PHKA1: variants seen among roughly 807,000 people sequenced by gnomAD.
The protein encoded by PHKA1 is phosphorylase kinase regulatory subunit alpha 1, also known as phosphorylase b kinase regulatory subunit alpha, skeletal muscle isoform.
PHKA1 carries 60 observed loss-of-function variants against 110.2 expected under a neutral mutation model. The observed-to-expected ratio is 0.54, with a 90% confidence interval of 0.44 to 0.68. The LOEUF (loss-of-function observed/expected upper bound fraction) is 0.68, where lower values mean the gene tolerates loss of function less well. Among genes scored for constraint, PHKA1 ranks in the 30% least tolerant of loss-of-function variants. The pLI, the probability that PHKA1 is intolerant of heterozygous loss-of-function variation, is 0.00. For missense variants in PHKA1, 801 were observed against 942.5 expected, an observed-to-expected ratio of 0.85 and a Z score of 1.97; for synonymous variants, 316 against 333.6, an observed-to-expected ratio of 0.95 and a Z score of 0.58.
chrX:72,621,424 T>C (rs1315542570), intron 18 of PHKA1, among the ~76,000 whole-genome samples: 1 of 111,887 alleles, frequency 8.9e-6, no homozygotes, highest in African/African-American at 3.2e-5. Context: ...AGAGGATGGA[T>C]ATGGTCCCTA....
Position 72,605,624 on chromosome X carries a change from G to C in PHKA1, c.2607-5C>G. ...AGCGCCTCATAGGGCAGAGGTCTAA[G>C]GAAAAAGACAGCAAAGAAAGACAAT... On this transcript the variant is annotated splice_region_variant and splice_polypyrimidine_tract_variant and intron_variant, in intron 23 of 31. Coordinates refer to ENST00000373542, the MANE Select transcript of PHKA1 (RefSeq NM_002637.4). 8.5e-7 allele frequency: 1 copy of C among 1,175,216 alleles called. No homozygotes were observed. Among genetic ancestry groups the C allele is most frequent in the Non-Finnish European group, 1.2e-6 (1 of 862,638 alleles).
chrX:72,610,854 A>G (rs1186704930), intron 22 of PHKA1, among the ~76,000 whole-genome samples, 174 bp downstream of exon 22: 1 of 112,135 alleles, frequency 8.9e-6, no homozygotes, highest in Non-Finnish European at 1.9e-5. Flanking sequence ...CATTTTATAA[A>G]TCTACAATTC....
At chrX:72,634,812 A>G (rs2053210531) in intron 16 of PHKA1, among the ~76,000 whole-genome samples, 1 of 112,310 alleles carries the variant, frequency 8.9e-6, no homozygotes, top group South Asian at 3.7e-4. Context: ...ACCAAGTTTT[A>G]AATTATCCTC....
chrX:72,692,948 T>C (rs1281892920), intron 4 of PHKA1, among the ~76,000 whole-genome samples: 1 of 110,288 alleles, frequency 9.1e-6, no homozygotes, highest in Non-Finnish European at 1.9e-5. Flanking sequence ...TTTCTTTTTT[T>C]TTTTTTTACA....
At chrX:72,660,137 C>A (rs955374733) in intron 8 of PHKA1, among the ~76,000 whole-genome samples, 13 of 111,878 alleles carry the variant, frequency 1.2e-4, no homozygotes, top group Non-Finnish European at 2.1e-4. Flanking sequence ...ATTTTTCAGT[C>A]TGAATTCCAT....
In PHKA1 at chrX:72,611,010, T is replaced by C; in HGVS notation, c.2526+18A>G. 1 of 1,174,032 alleles carries C rather than the reference T, an allele frequency of 8.5e-7. No homozygotes were observed. Among genetic ancestry groups the C allele is most frequent in the Non-Finnish European group, 1.2e-6 (1 of 862,442 alleles). ...CACGCTTATTTAGATTTGGTATAAA[T>C]TCAAGAATTTATAGTACCTCATCAA... On this transcript the variant is annotated intron_variant, in intron 22 of 31. Transcript: ENST00000373542.
At chrX:72,706,796 C>CCCCA (rs1249047645) in intron 2 of PHKA1, among the ~76,000 whole-genome samples, 1 of 111,590 alleles carries the variant, frequency 9.0e-6, no homozygotes, top group Non-Finnish European at 1.9e-5. Context: ...TACCCTCTAG[C>CCCCA]CCCACTACTC....
intron 19 of PHKA1, among the ~76,000 whole-genome samples, 161 bp from the exon 20 acceptor site, chrX:72,619,466 T>C (rs2052946067): frequency 8.9e-6 from 1 of 112,023 alleles, no homozygotes; most frequent in African/African-American, 3.2e-5. Flanking sequence ...TAAATATGAA[T>C]ATAAGATAAT....
Position 72,582,468 on chromosome X carries a change from T to A in PHKA1, c.3428A>T (p.His1143Leu), listed in dbSNP as rs781904534. The A allele has an allele frequency of 2.5e-6, 3 of 1,205,963 alleles. No homozygotes were observed. The South Asian group carries it at 5.3e-5, about 21-fold the overall frequency. Residue 1143 changes from histidine (H) to leucine (L), a missense_variant, in exon 31 of 32, where the codon CAT (histidine) becomes CTT (leucine). Physicochemically the swap from His to Leu is moderately conservative, Grantham distance 99 (BLOSUM62 -3). Around this residue, in one of 2 missense-constraint regions of PHKA1, gnomAD observed 502 missense variants for 519.2 expected, o/e 0.97. Coordinates refer to ENST00000373542, the MANE Select transcript of PHKA1 (RefSeq NM_002637.4). ...VLTMLADIEI[H>L]SIGSIIAVEK... ...CACAGCAATGATGCTTCCGATGCTA[T>A]GAATTTCAATATCTGCCAGCATGGT... is the stretch of plus-strand genomic sequence containing the variant.
chrX:72,619,340 TA>T (rs1480505092), intron 19 of PHKA1, 35 bp from the exon 20 acceptor site: 2 of 836,138 alleles, frequency 2.4e-6, no homozygotes, highest in Non-Finnish European at 3.6e-6. Context: ...AAATATTAGG[TA>T]ATTAGGAGAC....
intron 25 of PHKA1, among the ~76,000 whole-genome samples, chrX:72,605,023 G>A (rs1340436593): frequency 9.0e-6 from 1 of 111,435 alleles, no homozygotes. Context: ...CGAGTGATAA[G>A]TCAAGAGGGA....
intron 4 of PHKA1, among the ~76,000 whole-genome samples, chrX:72,689,278 AT>A (rs1445648416): frequency 8.9e-6 from 1 of 112,047 alleles, no homozygotes; most frequent in Non-Finnish European, 1.9e-5. Flanking sequence ...GAACACTGTC[AT>A]CACTCCAAAA....
intron 6 of PHKA1, among the ~76,000 whole-genome samples, chrX:72,670,289 G>T (rs2053674049): frequency 9.0e-6 from 1 of 111,422 alleles, no homozygotes. Context: ...TTTGTCAGAT[G>T]AGTAGGTTGC....
chrX:72,653,579 T>TG, intron 10 of PHKA1, 49 bp from the exon 11 acceptor site: 1 of 867,322 alleles, frequency 1.2e-6, no homozygotes, highest in Non-Finnish European at 1.7e-6. Context: ...AGAGTCCCTT[T>TG]GGGGACCCAG....
Position 72,580,688 on chromosome X carries a change from T to C in PHKA1, c.*314A>G, listed in dbSNP as rs940277362. The C allele has an allele frequency of 9.3e-6, 3 of 321,882 alleles. No homozygotes were observed. The highest frequency in any genetic ancestry group is 5.2e-5 in the African/African-American group (2 of 38,241). 26.5% of individuals were successfully genotyped at this position (321,882 alleles called of 1,213,427 possible). A position where few individuals can be genotyped will look rare whatever the true frequency, so the allele number is the denominator to read the frequency against. ...AACAGGAGTTAGAAAACTATATTGG[T>C]AACAGATCTAGAGAATAAAAACACA... On this transcript the variant is annotated 3_prime_UTR_variant, in exon 32 of 32. Transcript: ENST00000373542.
intron 21 of PHKA1, 54 bp downstream of exon 21, chrX:72,618,656 T>A: frequency 9.8e-7 from 1 of 1,016,572 alleles, no homozygotes; most frequent in Non-Finnish European, 1.4e-6. Context: ...TTTATTATGC[T>A]ATAATTCCTC....
chrX:72,682,288 G>A (rs1603270907), intron 5 of PHKA1, among the ~76,000 whole-genome samples: 1 of 97,750 alleles, frequency 1.0e-5, no homozygotes, highest in Non-Finnish European at 2.1e-5. Flanking sequence ...GAGGGAGGTG[G>A]GGGGGGTCAG....
chrX:72,580,699 G>C lies in PHKA1; in HGVS notation c.*303C>G. 2.8e-6 allele frequency: 1 copy of C among 357,120 alleles called. No individual in the cohort carries two copies. Among genetic ancestry groups the C allele is most frequent in the Non-Finnish European group, 4.9e-6 (1 of 202,767 alleles). The allele number at this position is 357,120 out of a possible 1,213,427, so 29.4% of individuals were successfully genotyped here. On this transcript the variant is annotated 3_prime_UTR_variant, in exon 32 of 32. Transcript: ENST00000373542. ...GAAAACTATATTGGTAACAGATCTA[G>C]AGAATAAAAACACATGCAAACTTTT... is the stretch of plus-strand genomic sequence containing the variant.
intron 23 of PHKA1, among the ~76,000 whole-genome samples, chrX:72,608,423 T>C (rs2052761151): frequency 8.9e-6 from 1 of 111,738 alleles, no homozygotes; most frequent in Non-Finnish European, 1.9e-5. Flanking sequence ...CTTTGCCCAC[T>C]CTAGCTGATG....
Sources: gnomAD v4.1 joint callset for allele counts (sites outside exome capture counted in the v4.1 genomes callset) on GRCh38, gnomAD v4.1.1 for gene constraint, gnomAD v4.1.1 regional missense constraint, MANE v1.5 for transcripts, NCBI Gene and HGNC (gene_info 2026-07-23, HGNC 2026-07-21) for gene names.